The following ECD variants were observed in gnomAD, a reference collection of about 807,000 sequenced individuals.
ECD encodes protein ecdysoneless homolog.
A neutral mutation model predicts 77.2 loss-of-function variants in ECD; 59 were observed. The ratio of observed to expected loss-of-function variants is 0.76; its 90% CI spans 0.62 to 0.95. The LOEUF (loss-of-function observed/expected upper bound fraction) is 0.95. Among genes scored for constraint, ECD ranks in the 40% least tolerant of loss-of-function variants. The pLI is 0.00. For missense variants in ECD, 704 were observed against 763.4 expected (o/e 0.92, Z 0.92); for synonymous variants, 233 against 267.4 (o/e 0.87, Z 1.26).
intron 13 of ECD, among the ~76,000 whole-genome samples, chr10:73,135,291 G>A (rs1296684955): frequency 6.6e-6 from 1 of 152,118 alleles, no homozygotes; most frequent in East Asian, 1.9e-4. Flanking sequence ...ATTCTAAATT[G>A]TTAGTTGGGC....
rs1843102322 is a variant in ECD, at chr10:73,144,779, C to G, written c.1127+1497G>C. On this transcript the variant is annotated intron_variant, in intron 9 of 13. Coordinates refer to ENST00000372979, the MANE Select transcript of ECD (RefSeq NM_007265.3). ...CTGGAATGCTTTTTAGTAACATCTT[C>G]CTGGCAAATCCCAAAAAATATTTTT... Among the ~76,000 whole-genome samples the G allele has an allele frequency of 2.6e-5, 4 of 152,034 alleles. No individual in the cohort carries two copies. In the South Asian group the frequency reaches 6.2e-4, roughly 24 times the overall value.
rs866084814 is a variant in ECD at position 73,156,628 on chromosome 10, C to T, written c.351G>A (p.Leu117=). The T allele has an allele frequency of 6.2e-7, 1 of 1,613,692 alleles. No individual in the cohort carries two copies. The highest frequency in any genetic ancestry group is 8.5e-7 in the Non-Finnish European group (1 of 1,180,042). ...ARIEDNDGEF[L]LIEAADFLPK... ...GGAGAAAGTCAGCAGCTTCTATTAA[C>T]AAGAATTCACCATCATTGTCTTCAA... Residue 117 remains leucine, a synonymous_variant, in exon 4 of 14, where the codon TTG becomes TTA. Transcript: ENST00000372979.
intron 7 of ECD, 24 bp downstream of exon 7, chr10:73,152,266 AAAC>A (rs1843220956): frequency 1.2e-6 from 2 of 1,606,524 alleles, no homozygotes; most frequent in African/African-American, 1.3e-5. Context: ...TAAAGAAAGG[AAAC>A]AACATTTTCT....
At chr10:73,166,201 G>T (rs544471852) in intron 1 of ECD, among the ~76,000 whole-genome samples, 1 of 151,538 alleles carries the variant, frequency 6.6e-6, no homozygotes, top group East Asian at 1.9e-4. Context: ...TTGTGTGTAT[G>T]TGCCACATTT....
At chr10:73,163,433 T>C (rs1223185216) in intron 2 of ECD, among the ~76,000 whole-genome samples, 1 of 152,170 alleles carries the variant, frequency 6.6e-6, no homozygotes, top group African/African-American at 2.4e-5. Context: ...CTATTTAGTA[T>C]AGATACTTAG....
chr10:73,148,403 G>A lies in ECD; in HGVS notation c.914C>T (p.Ala305Val). 6.2e-7 allele frequency: 1 copy of A among 1,611,106 alleles called. No homozygotes were observed. The highest frequency in any genetic ancestry group is 8.5e-7 in the Non-Finnish European group (1 of 1,178,890). The change falls in exon 8 of 14, where the codon GCT (alanine) becomes GTT (valine). Residue 305 changes from alanine to valine, a missense_variant and splice_region_variant. By Grantham distance (64) the Ala-to-Val change is moderately conservative (BLOSUM62 0). Transcript: ENST00000372979. ...GGAGCATAAGATCTCAAATCCATGAGCCTAGATGAGATAGGTAGAATTTTT... is the reference window on the plus strand; with the variant it reads ...GGAGCATAAGATCTCAAATCCATGAACCTAGATGAGATAGGTAGAATTTTT... ...YRAHELGMKL[A>V]HGFEILCSKC...
At chr10:73,158,343 G>A (rs1843328293) in intron 3 of ECD, among the ~76,000 whole-genome samples, 1 of 152,120 alleles carries the variant, frequency 6.6e-6, no homozygotes, top group Non-Finnish European at 1.5e-5. Flanking sequence ...AGTATGTGAA[G>A]TAATGTACGT....
chr10:73,143,360 G>C (rs1328988021), intron 9 of ECD, among the ~76,000 whole-genome samples: 2 of 158 alleles, frequency 0.013, no homozygotes, highest in East Asian at 0.25. Flanking sequence ...GTAGAGACAG[G>C]GTTTCCCATA....
chr10:73,155,757 G>A (rs1006582622), intron 5 of ECD, among the ~76,000 whole-genome samples: 11 of 151,726 alleles, frequency 7.2e-5, no homozygotes, highest in Non-Finnish European at 1.2e-4. Context: ...CTGCCACCAC[G>A]CCCTGCTATT....
At chr10:73,155,224 G>T (rs1226538144) in intron 5 of ECD, among the ~76,000 whole-genome samples, 1 of 151,748 alleles carries the variant, frequency 6.6e-6, no homozygotes, top group Non-Finnish European at 1.5e-5. Flanking sequence ...CTGCCACCAC[G>T]CCCGGCTAAT....
intron 2 of ECD, among the ~76,000 whole-genome samples, chr10:73,162,508 A>C (rs1843393593): frequency 6.6e-6 from 1 of 152,248 alleles, no homozygotes; most frequent in South Asian, 2.1e-4. Flanking sequence ...TCTTGCCAAT[A>C]AATATCATAT....
intron 7 of ECD, 113 bp from the exon 8 acceptor site, chr10:73,148,517 A>G (rs1843157507): frequency 4.3e-6 from 5 of 1,159,118 alleles, no homozygotes; most frequent in Non-Finnish European, 4.7e-6. Context: ...GACTGGATAC[A>G]TGGGCATTTG....
chr10:73,156,624 T>C lies in ECD; in HGVS notation c.355A>G (p.Ile119Val). 1.2e-6 allele frequency: 2 copies of C among 1,613,846 alleles called. No individual in the cohort carries two copies. Among genetic ancestry groups the C allele is most frequent in the Non-Finnish European group, 8.5e-7 (1 of 1,180,030 alleles). ...TTAGGGAGAAAGTCAGCAGCTTCTA[T>C]TAACAAGAATTCACCATCATTGTCT... ...IEDNDGEFLL[I>V]EAADFLPKWL... Residue 119 changes from isoleucine (I) to valine (V), a missense_variant, in exon 4 of 14, where the codon ATA becomes GTA. Around this residue, in one of 3 missense-constraint regions of ECD, gnomAD observed 559 missense variants for 583.7 expected, o/e 0.96. Coordinates refer to ENST00000372979, the MANE Select transcript of ECD (RefSeq NM_007265.3).
chr10:73,156,587 G>T lies in ECD; in HGVS notation c.392C>A (p.Pro131His). The T allele has an allele frequency of 3.7e-6, 6 of 1,614,068 alleles. No individual in the cohort carries two copies. Among genetic ancestry groups the T allele is most frequent in the Non-Finnish European group, 5.1e-6 (6 of 1,180,026 alleles). Residue 131 changes from proline to histidine, a missense_variant, in exon 4 of 14, where the codon CCT becomes CAT. Around this residue, in one of 3 missense-constraint regions of ECD, gnomAD observed 559 missense variants for 583.7 expected, o/e 0.96. Transcript: ENST00000372979. Reference protein sequence around the residue: ...AADFLPKWLDPENSTNRVFFC... With the variant: ...AADFLPKWLDHENSTNRVFFC... ...ACTTACCCTATTGGTGCTATTTTCA[G>T]GATCCAGCCATTTAGGGAGAAAGTC...
At chr10:73,153,119 T>C (rs1037166275) in intron 6 of ECD, among the ~76,000 whole-genome samples, 12 of 152,078 alleles carry the variant, frequency 7.9e-5, no homozygotes, top group African/African-American at 2.6e-4. Context: ...GGTTTCACCA[T>C]GCTGGCCAGG....
upstream of ECD, chr10:73,168,049 C>A (rs1843522025): frequency 4.3e-6 from 2 of 461,538 alleles, no homozygotes; most frequent in Non-Finnish European, 7.7e-6. Flanking sequence ...CACTCAGTCC[C>A]CGAAACCTTG....
intron 11 of ECD, among the ~76,000 whole-genome samples, chr10:73,138,517 G>C (rs2133247348): frequency 6.6e-6 from 1 of 152,024 alleles, no homozygotes; most frequent in Non-Finnish European, 1.5e-5. Context: ...TCAGGTTCAA[G>C]AGCATCAACA....
intron 5 of ECD, 52 bp downstream of exon 5, chr10:73,156,223 A>G (rs919373932): frequency 6.7e-7 from 1 of 1,495,366 alleles, no homozygotes; most frequent in Non-Finnish European, 8.9e-7. Flanking sequence ...AGACTGAACT[A>G]CACGAAACCA....
At chr10:73,135,038 A>G (rs41280382) in intron 13 of ECD, among the ~76,000 whole-genome samples, 10,735 of 152,268 alleles carry the variant, frequency 0.071, 638 homozygotes, top group East Asian at 0.3. Context: ...CTCTCCAGGA[A>G]AGATTCCTGC....
Sources: allele counts gnomAD v4.1 joint callset (sites outside exome capture counted in the v4.1 genomes callset), GRCh38; gene constraint gnomAD v4.1.1; regional missense constraint gnomAD v4.1.1; transcripts MANE v1.5; gene names NCBI Gene and HGNC (gene_info 2026-07-23, HGNC 2026-07-21).